The following KCNH7 variants were observed in gnomAD, a reference collection of about 807,000 sequenced individuals.
The protein encoded by KCNH7 is potassium voltage-gated channel subfamily H member 7.
In KCNH7, 49 loss-of-function variants were observed where a neutral mutation model predicts 120.8. The observed-to-expected ratio is 0.41, with a 90% CI of 0.32 to 0.51. KCNH7 has a LOEUF of 0.51. KCNH7 is among the 20% of genes least tolerant of loss of function. KCNH7 has a pLI of 0.38. For missense variants in KCNH7, 1,097 were observed against 1,446.6 expected, an observed-to-expected ratio of 0.76 and a Z score of 3.92; for synonymous variants, 547 against 516.1, an observed-to-expected ratio of 1.06 and a Z score of -0.81.
At chr2:162,633,234 T>C in intron 2 of KCNH7, among the ~76,000 whole-genome samples, 1 of 152,032 alleles carries the variant, frequency 6.6e-6, no homozygotes, top group South Asian at 2.1e-4. Flanking sequence ...CTGTAAGGTA[T>C]ATATTATTTC....
intron 2 of KCNH7, among the ~76,000 whole-genome samples, chr2:162,738,079 A>C (rs2105404135): frequency 6.6e-6 from 1 of 151,828 alleles, no homozygotes; most frequent in Admixed American, 6.6e-5. Flanking sequence ...AAAAAAAAAA[A>C]AAAAAAAAAA....
intron 9 of KCNH7, among the ~76,000 whole-genome samples, chr2:162,401,120 T>A (rs1402498894): frequency 6.6e-6 from 1 of 151,898 alleles, no homozygotes; most frequent in Non-Finnish European, 1.5e-5. Context: ...AGTGCATACA[T>A]AAGCTTCTAA....
chr2:162,573,989 C>G (rs1344665278), intron 2 of KCNH7, among the ~76,000 whole-genome samples: 1 of 151,914 alleles, frequency 6.6e-6, no homozygotes, highest in Non-Finnish European at 1.5e-5. Flanking sequence ...AATTTTGAAT[C>G]ATAATTCTTA....
At chr2:162,563,188 T>C (rs1553494145) in intron 2 of KCNH7, among the ~76,000 whole-genome samples, 1 of 152,166 alleles carries the variant, frequency 6.6e-6, no homozygotes, top group Non-Finnish European at 1.5e-5. Flanking sequence ...ATCTACTAAC[T>C]GAGGAAATCT....
At chr2:162,550,159 C>T (rs1204171612) in intron 2 of KCNH7, among the ~76,000 whole-genome samples, 1 of 152,004 alleles carries the variant, frequency 6.6e-6, no homozygotes, top group Non-Finnish European at 1.5e-5. Flanking sequence ...TATTTTGGAG[C>T]CTAACTTAAG....
chr2:162,546,954 T>C (rs1559007496), intron 2 of KCNH7, among the ~76,000 whole-genome samples: 1 of 152,050 alleles, frequency 6.6e-6, no homozygotes, highest in Non-Finnish European at 1.5e-5. Context: ...GGAAGCTGTA[T>C]TAGTCCATTC....
At position 162,691,492 on chromosome 2, in the gene KCNH7, T is replaced by G. The variant is rs16847144; in HGVS notation, c.307+145045A>C. Among the ~76,000 whole-genome samples the G allele has an allele frequency of 9.1e-4, 139 of 152,168 alleles. 2 individuals carry two copies. The East Asian group carries it at 0.025, about 27-fold the overall frequency. On this transcript the variant is annotated intron_variant, in intron 2 of 15. Coordinates refer to ENST00000332142, the MANE Select transcript of KCNH7 (RefSeq NM_033272.4). ...CTAACTCACTTCTCTTACGAAAAAT[T>G]TTATAGTAGCAAATTCTTTAAAATG...
chr2:162,448,729 A>T (rs748141778), intron 6 of KCNH7, among the ~76,000 whole-genome samples: 13 of 152,170 alleles, frequency 8.5e-5, no homozygotes, highest in Admixed American at 2.0e-4. Context: ...TCCATCCCAC[A>T]TAGGCACACA....
At chr2:162,812,603 CAA>C (rs1684773131) in intron 2 of KCNH7, among the ~76,000 whole-genome samples, 1 of 151,896 alleles carries the variant, frequency 6.6e-6, no homozygotes, top group African/African-American at 2.4e-5. Flanking sequence ...AAGGAGAAGA[CAA>C]ATTTGGTTTT....
chr2:162,774,219 T>C (rs894272773), intron 2 of KCNH7, among the ~76,000 whole-genome samples: 2 of 152,140 alleles, frequency 1.3e-5, no homozygotes, highest in African/African-American at 2.4e-5. Flanking sequence ...TTAGGTCTAT[T>C]TTCACTTTAA....
intron 2 of KCNH7, among the ~76,000 whole-genome samples, chr2:162,625,475 C>G (rs947442085): frequency 6.6e-6 from 1 of 152,118 alleles, no homozygotes; most frequent in African/African-American, 2.4e-5. Context: ...AGGGGGTGAA[C>G]AGACTAGCAG....
At chr2:162,601,561 T>C (rs1198065031) in intron 2 of KCNH7, among the ~76,000 whole-genome samples, 1 of 151,956 alleles carries the variant, frequency 6.6e-6, no homozygotes, top group Non-Finnish European at 1.5e-5. Flanking sequence ...TTAATCTCTT[T>C]AACATTTTGC....
intron 2 of KCNH7, among the ~76,000 whole-genome samples, chr2:162,715,889 A>G (rs1687100677): frequency 6.6e-6 from 1 of 151,764 alleles, no homozygotes; most frequent in African/African-American, 2.4e-5. Context: ...TGTATAGATT[A>G]ATTTGGGTTG....
At chr2:162,490,109 A>G (rs1301045615) in intron 6 of KCNH7, among the ~76,000 whole-genome samples, 1 of 152,232 alleles carries the variant, frequency 6.6e-6, no homozygotes, top group Non-Finnish European at 1.5e-5. Flanking sequence ...CAGTAAGGGG[A>G]GGGTCCCTGG....
At chr2:162,813,514 T>C (rs1429382238) in intron 2 of KCNH7, among the ~76,000 whole-genome samples, 2 of 152,210 alleles carry the variant, frequency 1.3e-5, no homozygotes, top group Non-Finnish European at 2.9e-5. Flanking sequence ...CACTTTACCT[T>C]CATCATTCAT....
chr2:162,401,371 A>G (rs1003013709), intron 9 of KCNH7, among the ~76,000 whole-genome samples: 2 of 151,884 alleles, frequency 1.3e-5, no homozygotes, highest in Admixed American at 1.3e-4. Context: ...GTACAAGCAG[A>G]CTCATTTAAA....
chr2:162,510,260 C>T (rs1171889069), intron 5 of KCNH7, among the ~76,000 whole-genome samples: 1 of 151,446 alleles, frequency 6.6e-6, no homozygotes, highest in East Asian at 2.0e-4. Flanking sequence ...CGAAATAGAT[C>T]CTAAGAAAGA....
At chr2:162,440,900 G>A (rs1688395809) in intron 7 of KCNH7, among the ~76,000 whole-genome samples, 1 of 151,970 alleles carries the variant, frequency 6.6e-6, no homozygotes, top group South Asian at 2.1e-4. Context: ...AAATAACTAG[G>A]GATGTCATAT....
chr2:162,713,546 C>T (rs575929522), intron 2 of KCNH7, among the ~76,000 whole-genome samples: 41 of 152,128 alleles, frequency 2.7e-4, no homozygotes, highest in Admixed American at 2.2e-3. Flanking sequence ...ATATTGATAA[C>T]TGAAAGTAGT....
Sources: allele counts gnomAD v4.1 joint callset (sites outside exome capture counted in the v4.1 genomes callset), GRCh38; gene constraint gnomAD v4.1.1; transcripts MANE v1.5; gene names NCBI Gene and HGNC (gene_info 2026-07-23, HGNC 2026-07-21).